LNX2: variants seen among roughly 807,000 people sequenced by gnomAD.
The protein encoded by LNX2 is ligand of numb-protein X 2, also known as ligand of Numb protein X 2.
In LNX2, 35 loss-of-function variants were observed where a neutral mutation model predicts 66.2. That is an observed-to-expected ratio of 0.53 (90% confidence interval 0.40 to 0.70). The LOEUF (loss-of-function observed/expected upper bound fraction) is 0.70. LNX2 is among the 30% of genes least tolerant of loss of function. The pLI is 0.00. For synonymous variants in LNX2, 337 were observed against 315.6 expected, an observed-to-expected ratio of 1.07 and a Z score of -0.72; for missense variants, 791 against 850.8, an observed-to-expected ratio of 0.93 and a Z score of 0.87.
chr13:27,608,238 T>C (rs1317260238), intron 1 of LNX2, among the ~76,000 whole-genome samples: 1 of 152,238 alleles, frequency 6.6e-6, no homozygotes, highest in Non-Finnish European at 1.5e-5. Context: ...TGCTAATAAA[T>C]TTTTATTTTG....
At chr13:27,580,387 C>T (rs1015814787) in intron 2 of LNX2, among the ~76,000 whole-genome samples, 1 of 152,098 alleles carries the variant, frequency 6.6e-6, no homozygotes, top group Non-Finnish European at 1.5e-5. Context: ...TACACTCTTA[C>T]ATCTAAGTCC....
At chr13:27,560,561 G>GTGTGTGTGTA (rs151059603) in intron 5 of LNX2, among the ~76,000 whole-genome samples, 3 of 50,546 alleles carry the variant, frequency 5.9e-5, no homozygotes, top group African/African-American at 1.6e-4. Context: ...TTATATGTAT[G>GTGTGTGTGTA]TGTGTATATA....
At chr13:27,567,032 C>A (rs1458042903) in intron 4 of LNX2, among the ~76,000 whole-genome samples, 1 of 152,062 alleles carries the variant, frequency 6.6e-6, no homozygotes. Flanking sequence ...TCTTAAAGAT[C>A]ATCTTCTGAA....
At chr13:27,619,884 T>C (rs1329409539) in intron 1 of LNX2, among the ~76,000 whole-genome samples, 1 of 152,124 alleles carries the variant, frequency 6.6e-6, no homozygotes, top group Non-Finnish European at 1.5e-5. Flanking sequence ...AAGGTGAGAA[T>C]TCACAGGCAA....
At chr13:27,601,914 T>A (rs1469057525) in intron 1 of LNX2, among the ~76,000 whole-genome samples, 3 of 152,168 alleles carry the variant, frequency 2.0e-5, no homozygotes, top group Non-Finnish European at 4.4e-5. Flanking sequence ...ATTTTCAGGG[T>A]AAACACTTGT....
At chr13:27,576,561 A>AC (rs752808539) in intron 2 of LNX2, among the ~76,000 whole-genome samples, 11 of 103,872 alleles carry the variant, frequency 1.1e-4, no homozygotes, top group Non-Finnish European at 1.8e-4. Flanking sequence ...TACTAAAAGC[A>AC]CAAAAAAAAA....
chr13:27,577,390 C>G (rs1157135515), intron 2 of LNX2, among the ~76,000 whole-genome samples: 1 of 152,206 alleles, frequency 6.6e-6, no homozygotes, highest in African/African-American at 2.4e-5. Flanking sequence ...AATCATGCCT[C>G]AGCCTATCCT....
chr13:27,581,328 G>T lies in LNX2; in HGVS notation c.376C>A (p.Arg126Ser). The T allele has an allele frequency of 6.6e-7, 1 of 1,508,352 alleles. No homozygotes were observed. Among genetic ancestry groups the T allele is most frequent in the African/African-American group, 1.4e-5 (1 of 71,712 alleles). 93.4% of individuals were successfully genotyped at this position (1,508,352 alleles called of 1,614,324 possible). A position where few individuals can be genotyped will look rare whatever the true frequency, so the allele number is the denominator to read the frequency against. Residue 126 changes from arginine to serine, a missense_variant, in exon 2 of 10, where the codon CGT becomes AGT. Physicochemically the swap from Arg to Ser is moderately radical, Grantham distance 110 (BLOSUM62 -1). Coordinates refer to ENST00000316334, the MANE Select transcript of LNX2 (RefSeq NM_153371.4). The stretch of plus-strand genomic sequence containing the variant: ...TTGAGATGTGCCTCCAGATCACAAC[G>T]TTGCATTACATCTTTGCACACTGAA... ...FSSVCKDVMQ[R>S]CDLEAHLKNR...
intron 7 of LNX2, among the ~76,000 whole-genome samples, chr13:27,555,051 G>A (rs1280577911): frequency 6.6e-6 from 1 of 152,122 alleles, no homozygotes; most frequent in East Asian, 1.9e-4. Flanking sequence ...CTGGAGCTCA[G>A]GTGATCCTCC....
intron 2 of LNX2, 85 bp downstream of exon 2, chr13:27,581,212 T>C (rs1955392995): frequency 9.1e-7 from 1 of 1,101,074 alleles, no homozygotes; most frequent in Non-Finnish European, 1.2e-6. Context: ...TGCTCTGGTT[T>C]GTTTTGTTTT....
intron 1 of LNX2, among the ~76,000 whole-genome samples, chr13:27,584,923 G>A (rs914154954): frequency 2.0e-5 from 3 of 150,516 alleles, no homozygotes; most frequent in Non-Finnish European, 4.4e-5. Context: ...TTTGAGACCA[G>A]GCTGGCCAAC....
chr13:27,556,459 G>A (rs780850448), intron 6 of LNX2, 46 bp from the exon 7 acceptor site: 3 of 1,522,428 alleles, frequency 2.0e-6, no homozygotes, highest in African/African-American at 2.8e-5. Context: ...ATAAAATATA[G>A]TTGAAGTAAA....
At position 27,588,749 on chromosome 13, in the gene LNX2, C is replaced by T. The variant is rs1443436471; in HGVS notation, c.-100-6946G>A. 6.6e-5 allele frequency among the ~76,000 whole-genome samples: 10 copies of T among 152,134 alleles called. No homozygotes were observed. In the East Asian group the frequency reaches 1.7e-3, roughly 26 times the overall value. ...AAAAATTACTGAAGCTCCCAAACAG[C>T]TTTTATCTGTCTGTATTCATTATGT... is the stretch of plus-strand genomic sequence containing the variant. On this transcript the variant is annotated intron_variant, in intron 1 of 9. Coordinates refer to ENST00000316334, the MANE Select transcript of LNX2 (RefSeq NM_153371.4).
At chr13:27,581,005 AATCT>A (rs1319120292) in intron 2 of LNX2, among the ~76,000 whole-genome samples, 1 of 152,236 alleles carries the variant, frequency 6.6e-6, no homozygotes, top group Non-Finnish European at 1.5e-5. Context: ...TTATAGAAAG[AATCT>A]ATCATAATAT....
intron 1 of LNX2, among the ~76,000 whole-genome samples, chr13:27,583,222 G>GCGCGCGCGTCCTCTCCTATATAACTT (rs766530442): frequency 0.041 from 871 of 21,452 alleles, 147 homozygotes; most frequent in African/African-American, 0.072. Context: ...GTGTGTGTGT[G>GCGCGCGCGTCCTCTCCTATATAACTT]TGTGTGTGTG....
At position 27,581,706 on chromosome 13, in the gene LNX2, T is replaced by C; in HGVS notation, c.-3A>G. 1.3e-6 allele frequency: 2 copies of C among 1,592,796 alleles called. No homozygotes were observed. The highest frequency in any genetic ancestry group is 1.7e-6 in the Non-Finnish European group (2 of 1,169,318). On this transcript the variant is annotated 5_prime_UTR_variant, in exon 2 of 10. Transcript: ENST00000316334. The stretch of plus-strand genomic sequence containing the variant: ...ATCTCATCACTTGTTGTTCCCATTT[T>C]GAATCAATTCTGTATCCTCATGTGT...
chr13:27,587,787 C>T (rs1170451935), intron 1 of LNX2, among the ~76,000 whole-genome samples: 6 of 151,922 alleles, frequency 3.9e-5, no homozygotes, highest in Admixed American at 6.5e-5. Flanking sequence ...TTTGGGAGGC[C>T]AAGGCGGGCA....
At chr13:27,579,128 C>T (rs1168879968) in intron 2 of LNX2, among the ~76,000 whole-genome samples, 4 of 152,138 alleles carry the variant, frequency 2.6e-5, no homozygotes, top group Non-Finnish European at 5.9e-5. Context: ...GTATCTGGCA[C>T]ATAGCAGATA....
chr13:27,591,778 G>A (rs890251398), intron 1 of LNX2, among the ~76,000 whole-genome samples: 2 of 152,152 alleles, frequency 1.3e-5, no homozygotes, highest in African/African-American at 2.4e-5. Context: ...TATTTTAGAC[G>A]CTGAAAAGTT....
Sources: gnomAD v4.1 joint callset for allele counts (sites outside exome capture counted in the v4.1 genomes callset) on GRCh38, gnomAD v4.1.1 for gene constraint, MANE v1.5 for transcripts, NCBI Gene and HGNC (gene_info 2026-07-23, HGNC 2026-07-21) for gene names.